SULT1C2: variants seen among roughly 807,000 people sequenced by gnomAD.
SULT1C2 encodes sulfotransferase 1C2.
Under a neutral mutation model 36.0 loss-of-function variants are expected in SULT1C2, and 27 were observed. The ratio of observed to expected loss-of-function variants is 0.75; its 90% CI spans 0.55 to 1.03. The LOEUF is 1.03. SULT1C2 is among the 50% of genes least tolerant of loss of function. The pLI is 0.00. For missense variants in SULT1C2, 395 were observed against 359.2 expected (o/e 1.10, Z -0.80); for synonymous variants, 121 against 116.0 (o/e 1.04, Z -0.27).
chr2:108,295,763 A>G (rs750677590), intron 3 of SULT1C2, among the ~76,000 whole-genome samples: 8 of 152,106 alleles, frequency 5.3e-5, no homozygotes, highest in Non-Finnish European at 1.0e-4. Flanking sequence ...AGGCCCCATG[A>G]CCCCATGTGT....
intron 1 of SULT1C2, among the ~76,000 whole-genome samples, chr2:108,290,372 G>T (rs928819311): frequency 2.6e-5 from 4 of 152,144 alleles, no homozygotes; most frequent in Non-Finnish European, 5.9e-5. Flanking sequence ...CCTATTTAAA[G>T]ACATTATCTC....
chr2:108,308,655 T>C lies in SULT1C2; in HGVS notation c.*191T>C. On this transcript the variant is annotated 3_prime_UTR_variant, in exon 8 of 8. Transcript: ENST00000251481. ...AAAGGATCACGTCTAATGCCCATTTTCCCAACTATTCTTTCCAAAGTAAGA... is the reference window on the plus strand; with the variant it reads ...AAAGGATCACGTCTAATGCCCATTTCCCCAACTATTCTTTCCAAAGTAAGA... 1 of 507,852 alleles carries C rather than the reference T, an allele frequency of 2.0e-6. No homozygotes were observed. Among genetic ancestry groups the C allele is most frequent in the African/African-American group, 1.9e-5 (1 of 51,400 alleles). 31.5% of individuals were successfully genotyped at this position (507,852 alleles called of 1,614,324 possible).
chr2:108,300,516 C>T lies in SULT1C2; in HGVS notation c.278-322C>T. On this transcript the variant is annotated intron_variant, in intron 3 of 7. Coordinates refer to ENST00000251481, the MANE Select transcript of SULT1C2 (RefSeq NM_001056.4). The stretch of plus-strand genomic sequence containing the variant: ...GCACATGGGGGTCATCTCTGGCTGG[C>T]AGGAAGGTGAGGGAGTCCTCTCTTC... 3 of 391,502 alleles carry T rather than the reference C, an allele frequency of 7.7e-6. No individual in the cohort carries two copies. In the East Asian group the frequency reaches 1.1e-4, roughly 15 times the overall value. 24.3% of individuals were successfully genotyped at this position (391,502 alleles called of 1,614,324 possible). A position where few individuals can be genotyped will look rare whatever the true frequency, so the allele number is the denominator to read the frequency against.
At chr2:108,305,066 A>G in intron 5 of SULT1C2, 106 bp from the exon 6 acceptor site, 3 of 1,253,610 alleles carry the variant, frequency 2.4e-6, no homozygotes, top group Non-Finnish European at 1.2e-6. Context: ...TATCTAATAC[A>G]GAATTTGGGT....
chr2:108,303,874 T>C (rs1195047596), intron 4 of SULT1C2: 4 of 152,208 alleles, frequency 2.6e-5, no homozygotes, highest in African/African-American at 4.8e-5. Flanking sequence ...TCATCCCCAA[T>C]TGAGAACCAC....
At chr2:108,292,393 A>AACACACACACACAC (rs66462427) in intron 1 of SULT1C2, among the ~76,000 whole-genome samples, 4 of 133,378 alleles carry the variant, frequency 3.0e-5, no homozygotes, top group African/African-American at 1.1e-4. Context: ...CAACAATGAC[A>AACACACACACACAC]ACACACACAC....
chr2:108,296,703 G>A (rs1036078177), intron 3 of SULT1C2, among the ~76,000 whole-genome samples: 8 of 152,230 alleles, frequency 5.3e-5, no homozygotes, highest in Admixed American at 2.6e-4. Context: ...TACCCGCCTC[G>A]GCCTCCCAAA....
chr2:108,293,179 CA>C (rs397869118), intron 1 of SULT1C2, among the ~76,000 whole-genome samples: 4,520 of 53,886 alleles, frequency 0.084, 27 homozygotes, highest in African/African-American at 0.15. Flanking sequence ...GACTCTGTCT[CA>C]AAAAAAAAAA....
intron 3 of SULT1C2, among the ~76,000 whole-genome samples, chr2:108,296,860 C>A (rs982434734): frequency 6.6e-6 from 1 of 152,176 alleles, no homozygotes; most frequent in Non-Finnish European, 1.5e-5. Flanking sequence ...AGGTCTCAAC[C>A]ACCCTTGGAG....
At chr2:108,294,141 G>A (rs1676664136) in intron 2 of SULT1C2, 88 bp from the exon 3 acceptor site, 3 of 1,563,410 alleles carry the variant, frequency 1.9e-6, no homozygotes, top group Non-Finnish European at 2.6e-6. Flanking sequence ...AAACACCAAG[G>A]CTCTACATCC....
At position 108,300,449 on chromosome 2, in the gene SULT1C2, G is replaced by C. The variant is rs537949834; in HGVS notation, c.278-389G>C. On this transcript the variant is annotated intron_variant, in intron 3 of 7. Transcript: ENST00000251481. ...ATACATGTTTTTAGAGATGAAACAA[G>C]TGATTGCAAACAGGCCGGGTACATG... The C allele has an allele frequency of 6.0e-5, 17 of 283,476 alleles. No individual in the cohort carries two copies. The South Asian group carries it at 2.3e-3, about 39-fold the overall frequency. 17.6% of individuals were successfully genotyped at this position (283,476 alleles called of 1,614,324 possible). A position where few individuals can be genotyped will look rare whatever the true frequency, so the allele number is the denominator to read the frequency against.
rs776056422 is a variant in SULT1C2 at position 108,305,197 on chromosome 2, C to T, written c.528C>T (p.His176=). Residue 176 remains histidine, a synonymous_variant, in exon 6 of 8, where the codon CAC becomes CAT. Transcript: ENST00000251481. ...GKVVWGSWFD[H]VKGWWEMKDR... is the part of the protein sequence containing the mutation. ...TGGTTTGGGGTTCCTGGTTTGACCA[C>T]GTGAAAGGATGGTGGGAGATGAAAG... 20 of 1,614,114 alleles carry T rather than the reference C, an allele frequency of 1.2e-5. No individual in the cohort carries two copies. Among genetic ancestry groups the T allele is most frequent in the South Asian group, 1.2e-4 (11 of 91,084 alleles).
chr2:108,298,634 A>G, intron 3 of SULT1C2: 1 of 373,064 alleles, frequency 2.7e-6, no homozygotes. Flanking sequence ...CACCTGCCTC[A>G]ACCTCCCAAA....
At chr2:108,299,719 C>T (rs1179430807) in intron 3 of SULT1C2, 1 of 152,186 alleles carries the variant, frequency 6.6e-6, no homozygotes, top group African/African-American at 2.4e-5. Context: ...CCAGCAATTC[C>T]ACTTCTGGGT....
chr2:108,305,369 T>A, intron 6 of SULT1C2, 46 bp from the exon 7 acceptor site: 1 of 1,609,368 alleles, frequency 6.2e-7, no homozygotes, highest in Non-Finnish European at 8.5e-7. Flanking sequence ...TAGTATTTCT[T>A]TATGATACTC....
At chr2:108,303,277 C>G (rs1558680592) in intron 4 of SULT1C2, 1 of 152,608 alleles carries the variant, frequency 6.6e-6, no homozygotes, top group Admixed American at 6.5e-5. Flanking sequence ...AGTGTGTCCT[C>G]GCAGATACCT....
At chr2:108,306,580 G>A (rs993235916) in intron 7 of SULT1C2, among the ~76,000 whole-genome samples, 4 of 152,190 alleles carry the variant, frequency 2.6e-5, no homozygotes, top group Admixed American at 2.6e-4. Flanking sequence ...CTCCAGCCTG[G>A]GTGACAGAGA....
rs959705883 is a variant in SULT1C2, at chr2:108,309,343, G to A, written c.*879G>A. 8 of 152,162 alleles carry A rather than the reference G, an allele frequency of 5.3e-5. No homozygotes were observed. Among genetic ancestry groups the A allele is most frequent in the African/African-American group, 1.9e-4 (8 of 41,450 alleles). The allele number at this position is 152,162 out of a possible 1,614,324, so 9.4% of individuals were successfully genotyped here. A position where few individuals can be genotyped will look rare whatever the true frequency, so the allele number is the denominator to read the frequency against. ...TCTTATTTATACCTCTCACTCAATTGTTAATTCTTTGGGTTCAGTCTCATG... is the reference window on the plus strand; with the variant it reads ...TCTTATTTATACCTCTCACTCAATTATTAATTCTTTGGGTTCAGTCTCATG... On this transcript the variant is annotated 3_prime_UTR_variant, in exon 8 of 8. Transcript: ENST00000251481.
In SULT1C2 at chr2:108,296,788, G is replaced by C. The variant is rs1008075812; in HGVS notation, c.277+2434G>C. Among the ~76,000 whole-genome samples the C allele has an allele frequency of 6.6e-5, 10 of 152,206 alleles. 1 individual carries two copies. Among genetic ancestry groups the C allele is most frequent in the Middle Eastern group, 6.3e-3 (2 of 316 alleles). On this transcript the variant is annotated intron_variant, in intron 3 of 7. Coordinates refer to ENST00000251481, the MANE Select transcript of SULT1C2 (RefSeq NM_001056.4). ...TCAGAGTAGATAATCCCTGCCAGTT[G>C]AGGTGAGGAGCATCACTGGGAGGAG...
Sources: gnomAD v4.1 joint callset for allele counts (sites outside exome capture counted in the v4.1 genomes callset) on GRCh38, gnomAD v4.1.1 for gene constraint, MANE v1.5 for transcripts, NCBI Gene and HGNC (gene_info 2026-07-23, HGNC 2026-07-21) for gene names.